DIAPH1: variants seen among roughly 807,000 people sequenced by gnomAD.
DIAPH1 encodes diaphanous related formin 1, also known as protein diaphanous homolog 1.
A neutral mutation model predicts 140.7 loss-of-function variants in DIAPH1; 46 were observed. That is an observed-to-expected ratio of 0.33 (90% confidence interval 0.26 to 0.42). The LOEUF is 0.42. Ranked by LOEUF, DIAPH1 falls within the 10% of genes least tolerant of loss-of-function variation. The pLI, the probability that DIAPH1 is intolerant of heterozygous loss-of-function variation, is 1.00. For synonymous variants in DIAPH1, 565 were observed against 551.6 expected (o/e 1.02, Z -0.34); for missense variants, 1,310 against 1,558.7 (o/e 0.84, Z 2.69).
At chr5:141,558,669 G>C (rs1307329920) in intron 18 of DIAPH1, among the ~76,000 whole-genome samples, 2 of 152,060 alleles carry the variant, frequency 1.3e-5, no homozygotes, top group African/African-American at 4.8e-5. Context: ...CTATTCTACA[G>C]GGAACACCCT....
At chr5:141,613,231 C>G (rs2099902118) in intron 1 of DIAPH1, among the ~76,000 whole-genome samples, 1 of 152,144 alleles carries the variant, frequency 6.6e-6, no homozygotes, top group Admixed American at 6.5e-5. Context: ...TGTTCTATCC[C>G]CCGCCTTGGA....
Position 141,575,054 on chromosome 5 carries a change from T to C in DIAPH1, c.1554A>G (p.Gly518=), listed in dbSNP as rs200132340. The C allele has an allele frequency of 1.2e-6, 2 of 1,614,214 alleles. No individual in the cohort carries two copies. The highest frequency in any genetic ancestry group is 1.7e-6 in the Non-Finnish European group (2 of 1,180,032). ...TTTCAGAATGCAGTGCATCTTTTTC[T>C]CCCTGAAGATCTTGAAGCTTCTGCT... is the stretch of plus-strand genomic sequence containing the variant. The part of the protein sequence containing the change: ...DFEQKLQDLQ[G]EKDALHSEKQ... The change falls in exon 15 of 28, where the codon GGA becomes GGG. Residue 518 remains glycine (G), a synonymous_variant. Coordinates refer to ENST00000389054, the MANE Select transcript of DIAPH1 (RefSeq NM_005219.5).
rs760079243 is a variant in DIAPH1 at position 141,526,108 on chromosome 5, G to A, written c.3504C>T (p.Ala1168=). ...GCCGCTCCTTCTCTGCCTTCTCCTT[G>A]GCTAGTTTTGCTCGCCTCATCTTTT... is the stretch of plus-strand genomic sequence containing the variant. ...TEEKMRRAKL[A]KEKAEKERLE... Residue 1168 remains alanine (A), a synonymous_variant, in exon 26 of 28, where the codon GCC becomes GCT. Transcript: ENST00000389054. The A allele has an allele frequency of 2.5e-6, 4 of 1,613,936 alleles. No homozygotes were observed. Among genetic ancestry groups the A allele is most frequent in the South Asian group, 2.2e-5 (2 of 91,072 alleles).
chr5:141,602,197 C>T (rs2099900255), intron 1 of DIAPH1, among the ~76,000 whole-genome samples: 1 of 152,046 alleles, frequency 6.6e-6, no homozygotes, highest in Non-Finnish European at 1.5e-5. Flanking sequence ...CCATTGAGGC[C>T]TGATCTAGCT....
At chr5:141,601,277 A>G (rs1186095168) in intron 1 of DIAPH1, among the ~76,000 whole-genome samples, 4 of 141,976 alleles carry the variant, frequency 2.8e-5, no homozygotes, top group African/African-American at 5.1e-5. Flanking sequence ...TTAGACACAG[A>G]AAAAAAAAAA....
intron 19 of DIAPH1, among the ~76,000 whole-genome samples, chr5:141,530,134 C>T (rs1330922792): frequency 6.6e-6 from 1 of 152,160 alleles, no homozygotes; most frequent in Non-Finnish European, 1.5e-5. Context: ...TTTAGTTCCC[C>T]ACTCTCAGGA....
chr5:141,533,171 G>A lies in DIAPH1; in HGVS notation c.2581+1164C>T, dbSNP rs540106259. Among the ~76,000 whole-genome samples, 3 of 152,310 alleles carry A rather than the reference G, an allele frequency of 2.0e-5. No homozygotes were observed. In the South Asian group the frequency reaches 6.2e-4, roughly 32 times the overall value. Reference sequence around the variant, plus strand: ...CAATAACTGCATCACAAGACTATGAGTGGGTTTTACGGAAAATACCCTTTC... The same window carrying A: ...CAATAACTGCATCACAAGACTATGAATGGGTTTTACGGAAAATACCCTTTC... On this transcript the variant is annotated intron_variant, in intron 19 of 27. Transcript: ENST00000389054.
intron 19 of DIAPH1, among the ~76,000 whole-genome samples, chr5:141,532,107 A>G (rs1264771229): frequency 6.6e-6 from 1 of 152,134 alleles, no homozygotes; most frequent in Non-Finnish European, 1.5e-5. Flanking sequence ...GCACAATGTT[A>G]TCTCATGCTC....
In DIAPH1 at chr5:141,515,333, C is replaced by T. The variant is rs1466578503; in HGVS notation, c.*1518G>A. ...ATACACAAGCGCCAGCAACCAAAACCCTCCCTCCTGGCAATAAGGCCTCAC... is the reference window on the plus strand; with the variant it reads ...ATACACAAGCGCCAGCAACCAAAACTCTCCCTCCTGGCAATAAGGCCTCAC... On this transcript the variant is annotated 3_prime_UTR_variant, in exon 28 of 28. Transcript: ENST00000389054. 2 of 152,256 alleles carry T rather than the reference C, an allele frequency of 1.3e-5. No individual in the cohort carries two copies. The highest frequency in any genetic ancestry group is 6.5e-5 in the Admixed American group (1 of 15,286). 9.4% of individuals were successfully genotyped at this position (152,256 alleles called of 1,614,324 possible). A position where few individuals can be genotyped will look rare whatever the true frequency, so the allele number is the denominator to read the frequency against.
chr5:141,538,065 GT>G (rs769204262), intron 18 of DIAPH1, among the ~76,000 whole-genome samples: 177 of 132,960 alleles, frequency 1.3e-3, no homozygotes, highest in African/African-American at 4.2e-3. Flanking sequence ...CTGTTTTTTT[GT>G]TTTTTTTTTT....
At chr5:141,564,260 A>C (rs1228687509) in intron 18 of DIAPH1, 1 of 152,244 alleles carries the variant, frequency 6.6e-6, no homozygotes, top group Non-Finnish European at 1.5e-5. Flanking sequence ...AGTCCTCCAA[A>C]TAAATTTCCT....
chr5:141,596,558 C>T (rs1166708974), intron 1 of DIAPH1, among the ~76,000 whole-genome samples: 1 of 151,976 alleles, frequency 6.6e-6, no homozygotes, highest in Non-Finnish European at 1.5e-5. Context: ...ATAAACACTG[C>T]AATTCATAAC....
chr5:141,618,959 C>A lies in DIAPH1; in HGVS notation c.-45G>T, dbSNP rs937259788. ...GGCGACCCCGCGCCTACGCCGCTCCCGCCTGGCAGCTCCGCGCCCGCCGCC... is the reference window on the plus strand; with the variant it reads ...GGCGACCCCGCGCCTACGCCGCTCCAGCCTGGCAGCTCCGCGCCCGCCGCC... On this transcript the variant is annotated 5_prime_UTR_variant, in exon 1 of 28. Coordinates refer to ENST00000389054, the MANE Select transcript of DIAPH1 (RefSeq NM_005219.5). The A allele has an allele frequency of 9.2e-5, 107 of 1,163,352 alleles. 1 individual carries two copies. The highest frequency in any genetic ancestry group is 8.3e-5 in the Non-Finnish European group (72 of 866,130). The allele number at this position is 1,163,352 out of a possible 1,614,324, so 72.1% of individuals were successfully genotyped here.
chr5:141,520,217 G>C (rs251019), intron 27 of DIAPH1, among the ~76,000 whole-genome samples: 111,336 of 152,108 alleles, frequency 0.73, 42,300 homozygotes, highest in African/African-American at 0.94. Flanking sequence ...CTCAAACTCT[G>C]CTAATTATGT....
intron 27 of DIAPH1, among the ~76,000 whole-genome samples, chr5:141,520,321 G>C (rs1216646110): frequency 6.6e-6 from 1 of 152,168 alleles, no homozygotes. Context: ...GATATGGTTT[G>C]GATGTATGAC....
chr5:141,556,683 T>TTTTATTTA (rs567384221), intron 18 of DIAPH1, among the ~76,000 whole-genome samples: 10 of 152,026 alleles, frequency 6.6e-5, no homozygotes, highest in African/African-American at 2.2e-4. Flanking sequence ...GAGATCTTCT[T>TTTTATTTA]TTTATTTATT....
At chr5:141,593,631 AG>A (rs2099898840) in intron 1 of DIAPH1, among the ~76,000 whole-genome samples, 1 of 152,190 alleles carries the variant, frequency 6.6e-6, no homozygotes, top group Admixed American at 6.5e-5. Context: ...AGTGTAAGTG[AG>A]GAGGAATTTA....
At chr5:141,576,105 AC>A in intron 14 of DIAPH1, 124 bp downstream of exon 14, 1 of 794,580 alleles carries the variant, frequency 1.3e-6, no homozygotes. Context: ...TCCCCTGGGA[AC>A]TACACTATTG....
chr5:141,597,006 A>T (rs890849464), intron 1 of DIAPH1, among the ~76,000 whole-genome samples: 3 of 152,154 alleles, frequency 2.0e-5, no homozygotes, highest in African/African-American at 4.8e-5. Context: ...AAACTCAATA[A>T]AAGGACTGGA....
Sources: gnomAD v4.1 joint callset for allele counts (sites outside exome capture counted in the v4.1 genomes callset) on GRCh38, gnomAD v4.1.1 for gene constraint, MANE v1.5 for transcripts, NCBI Gene and HGNC (gene_info 2026-07-23, HGNC 2026-07-21) for gene names.